The following L3MBTL3 variants were observed in gnomAD, a reference collection of about 807,000 sequenced individuals.
The protein encoded by L3MBTL3 is lethal(3)malignant brain tumor-like protein 3.
In L3MBTL3, 27 loss-of-function variants were observed where a neutral mutation model predicts 102.3. The observed-to-expected ratio is 0.26, with a 90% CI of 0.19 to 0.36. The LOEUF is 0.36. Ranked by LOEUF, L3MBTL3 falls within the 10% of genes least tolerant of loss-of-function variation. The pLI, the probability that L3MBTL3 is intolerant of heterozygous loss-of-function variation, is 1.00. For synonymous variants in L3MBTL3, 340 were observed against 320.9 expected, an observed-to-expected ratio of 1.06 and a Z score of -0.64; for missense variants, 798 against 955.3, an observed-to-expected ratio of 0.84 and a Z score of 2.17.
chr6:130,099,885 T>G (rs956244380), intron 18 of L3MBTL3, among the ~76,000 whole-genome samples: 2 of 152,210 alleles, frequency 1.3e-5, no homozygotes, highest in Non-Finnish European at 2.9e-5. Flanking sequence ...TTTGGAACAG[T>G]GCCTGACACT....
chr6:130,036,516 G>C (rs1780073578), intron 2 of L3MBTL3, among the ~76,000 whole-genome samples: 1 of 152,146 alleles, frequency 6.6e-6, no homozygotes, highest in Non-Finnish European at 1.5e-5. Flanking sequence ...TACAGCAAAG[G>C]CATATTCTGA....
At chr6:130,021,527 G>T (rs566574732) in intron 1 of L3MBTL3, among the ~76,000 whole-genome samples, 1 of 152,142 alleles carries the variant, frequency 6.6e-6, no homozygotes, top group Non-Finnish European at 1.5e-5. Context: ...TGCATTTATC[G>T]GTGTCTGTAC....
intron 9 of L3MBTL3, among the ~76,000 whole-genome samples, chr6:130,058,149 C>CAAAA (rs61250078): frequency 7.9e-5 from 7 of 89,146 alleles, no homozygotes; most frequent in African/African-American, 4.0e-4. Flanking sequence ...GACTCCGTCT[C>CAAAA]AAAAAAAAAA....
At chr6:130,112,057 C>G (rs1185210433) in intron 19 of L3MBTL3, among the ~76,000 whole-genome samples, 1 of 152,212 alleles carries the variant, frequency 6.6e-6, no homozygotes, top group East Asian at 1.9e-4. Flanking sequence ...TAGCTAATCT[C>G]TCATCTTTGG....
In L3MBTL3 at chr6:130,051,234, C is replaced by T. The variant is rs971084784; in HGVS notation, c.290-15C>T. 2 of 1,588,320 alleles carry T rather than the reference C, an allele frequency of 1.3e-6. No homozygotes were observed. The highest frequency in any genetic ancestry group is 1.7e-6 in the Non-Finnish European group (2 of 1,165,864). On this transcript the variant is annotated splice_polypyrimidine_tract_variant and intron_variant, in intron 5 of 22. Transcript: ENST00000361794. Reference sequence around the variant, plus strand: ...GTCATGGTTGTAATTTGCATTTCTTCTTTTCATCTTCTAGTCTTTTCAGAG... The same window carrying T: ...GTCATGGTTGTAATTTGCATTTCTTTTTTTCATCTTCTAGTCTTTTCAGAG...
chr6:130,049,767 C>T lies in L3MBTL3; in HGVS notation c.226C>T (p.Pro76Ser). ...ATCTACATCTCCAGCCCCGACCTCT[C>T]CCCCGAGCTCCAGGCCCGTATTTCC... ...VPTAQEAPTSPPSSRPVFPPA... is the reference protein window; with the variant it reads ...VPTAQEAPTSSPSSRPVFPPA... Residue 76 changes from proline (P) to serine (S), a missense_variant, in exon 5 of 23, where the codon CCC (proline) becomes TCC (serine). Coordinates refer to ENST00000361794, the MANE Select transcript of L3MBTL3 (RefSeq NM_032438.4). The T allele has an allele frequency of 6.2e-7, 1 of 1,613,988 alleles. No individual in the cohort carries two copies. Among genetic ancestry groups the T allele is most frequent in the Non-Finnish European group, 8.5e-7 (1 of 1,179,892 alleles).
chr6:130,127,048 C>T (rs1275495459), intron 20 of L3MBTL3, among the ~76,000 whole-genome samples: 4 of 152,134 alleles, frequency 2.6e-5, no homozygotes, highest in Admixed American at 1.3e-4. Context: ...TGGGAGGTTG[C>T]AGGCAGGTGA....
intron 19 of L3MBTL3, among the ~76,000 whole-genome samples, chr6:130,115,892 G>T (rs1011679855): frequency 6.6e-6 from 1 of 152,158 alleles, no homozygotes; most frequent in African/African-American, 2.4e-5. Context: ...AGAAATTGCT[G>T]TTTTCCATGC....
intron 10 of L3MBTL3, among the ~76,000 whole-genome samples, chr6:130,065,402 C>T (rs890202648): frequency 4.6e-5 from 7 of 151,914 alleles, no homozygotes; most frequent in African/African-American, 1.7e-4. Context: ...ACATGTGGAC[C>T]CCCACATGTC....
chr6:130,117,222 GTT>G lies in L3MBTL3; in HGVS notation c.1887-3655_1887-3654del, dbSNP rs1429971224. 6.3e-5 allele frequency among the ~76,000 whole-genome samples: 9 copies of G among 141,930 alleles called. No individual in the cohort carries two copies. In the East Asian group the frequency reaches 1.7e-3, roughly 26 times the overall value. The allele number at this position is 141,930 out of a possible 152,430, so 93.1% of individuals were successfully genotyped here. ...CCACCTATGAGTGAGAATATGCCGT[GTT>G]TGGTTTTTTGTTCTTGTGATAGTTT... On this transcript the variant is annotated intron_variant, in intron 19 of 22. Transcript: ENST00000361794.
intron 2 of L3MBTL3, among the ~76,000 whole-genome samples, chr6:130,032,134 G>T (rs1205947940): frequency 6.6e-6 from 1 of 152,006 alleles, no homozygotes; most frequent in African/African-American, 2.4e-5. Flanking sequence ...GGCTGGTCTT[G>T]AACTCCTGGC....
chr6:130,068,997 C>T (rs1035526426), intron 12 of L3MBTL3, among the ~76,000 whole-genome samples: 1 of 152,166 alleles, frequency 6.6e-6, no homozygotes, highest in Non-Finnish European at 1.5e-5. Flanking sequence ...GAATAAAGGG[C>T]AAGCCAGTGG....
intron 22 of L3MBTL3, among the ~76,000 whole-genome samples, chr6:130,134,482 G>T (rs1787403299): frequency 6.6e-6 from 1 of 152,144 alleles, no homozygotes; most frequent in African/African-American, 2.4e-5. Flanking sequence ...AATATAAGGG[G>T]TGATTAAGAA....
intron 16 of L3MBTL3, among the ~76,000 whole-genome samples, chr6:130,090,201 T>C (rs1783954896): frequency 6.6e-6 from 1 of 152,072 alleles, no homozygotes; most frequent in Non-Finnish European, 1.5e-5. Flanking sequence ...TAAGCACATA[T>C]ATATATATAT....
intron 10 of L3MBTL3, among the ~76,000 whole-genome samples, chr6:130,060,702 AT>A (rs34504067): frequency 0.019 from 2,709 of 143,062 alleles, 34 homozygotes; most frequent in Middle Eastern, 0.068. Context: ...ACAGATACTT[AT>A]TTTTTTTTTT....
chr6:130,053,268 T>C (rs572484943), intron 7 of L3MBTL3, among the ~76,000 whole-genome samples: 2 of 152,346 alleles, frequency 1.3e-5, no homozygotes, highest in African/African-American at 4.8e-5. Flanking sequence ...TTCAGTCTTG[T>C]AGATGAATCT....
chr6:130,101,949 T>C (rs1784715159), intron 18 of L3MBTL3, among the ~76,000 whole-genome samples: 1 of 152,214 alleles, frequency 6.6e-6, no homozygotes, highest in Non-Finnish European at 1.5e-5. Context: ...CTCATGGCGA[T>C]GCGTGAAATA....
intron 22 of L3MBTL3, among the ~76,000 whole-genome samples, chr6:130,139,000 A>G (rs1055339654): frequency 2.0e-5 from 3 of 152,168 alleles, no homozygotes; most frequent in Admixed American, 2.0e-4. Flanking sequence ...CTACCTGCGT[A>G]TTAGAAGAAC....
At chr6:130,019,995 G>A (rs1278755860) in intron 1 of L3MBTL3, among the ~76,000 whole-genome samples, 5 of 131,670 alleles carry the variant, frequency 3.8e-5, no homozygotes, top group African/African-American at 1.1e-4. Flanking sequence ...CGGCGGTCGC[G>A]GCGGCGGCGG....
Sources: allele counts gnomAD v4.1 joint callset (sites outside exome capture counted in the v4.1 genomes callset), GRCh38; gene constraint gnomAD v4.1.1; transcripts MANE v1.5; gene names NCBI Gene and HGNC (gene_info 2026-07-23, HGNC 2026-07-21).